Variants in BANK1 observed in about 807,000 individuals in gnomAD.
The protein encoded by BANK1 is B-cell scaffold protein with ankyrin repeats.
In BANK1, 95 loss-of-function variants were observed where a neutral mutation model predicts 94.5. The observed-to-expected ratio is 1.00, with a 90% CI of 0.85 to 1.19. The LOEUF (loss-of-function observed/expected upper bound fraction) is 1.19. Ranked by LOEUF, BANK1 falls within the 50% of genes most tolerant of loss-of-function variation. The pLI is 0.00. For missense variants in BANK1, 987 were observed against 932.2 expected (o/e 1.06, Z -0.77); for synonymous variants, 334 against 308.4 (o/e 1.08, Z -0.87).
intron 7 of BANK1, among the ~76,000 whole-genome samples, chr4:102,012,399 A>C (rs929495567): frequency 1.1e-4 from 3 of 27,440 alleles, no homozygotes; most frequent in Non-Finnish European, 1.4e-4. Flanking sequence ...GGTCAATAAA[A>C]AATAACTCTC....
intron 7 of BANK1, among the ~76,000 whole-genome samples, chr4:101,931,324 T>C (rs1157434930): frequency 6.6e-6 from 1 of 151,574 alleles, no homozygotes; most frequent in Non-Finnish European, 1.5e-5. Context: ...CTTCATCCAA[T>C]GAGTTGAGTG....
chr4:102,027,116 C>T (rs1727131476), intron 9 of BANK1, among the ~76,000 whole-genome samples: 1 of 152,132 alleles, frequency 6.6e-6, no homozygotes, highest in Admixed American at 6.5e-5. Flanking sequence ...GTTAGTAGTA[C>T]ACTGACTACA....
chr4:101,833,521 T>A (rs531046964), intron 2 of BANK1, among the ~76,000 whole-genome samples: 13 of 152,198 alleles, frequency 8.5e-5, no homozygotes, highest in Non-Finnish European at 1.6e-4. Flanking sequence ...CATAGATGCT[T>A]CTCCCTCAAA....
chr4:102,034,007 G>A (rs907356653), intron 10 of BANK1, among the ~76,000 whole-genome samples: 1 of 149,102 alleles, frequency 6.7e-6, no homozygotes, highest in Non-Finnish European at 1.5e-5. Context: ...ATTTCACAGA[G>A]TAAGAGCCTT....
At chr4:101,816,557 CT>C (rs34692783) in intron 1 of BANK1, among the ~76,000 whole-genome samples, 1,630 of 138,542 alleles carry the variant, frequency 0.012, 12 homozygotes, top group Middle Eastern at 0.033. Context: ...TGCCATGCTT[CT>C]TTTTTTTTTT....
At chr4:101,959,682 G>A (rs187977225) in intron 7 of BANK1, among the ~76,000 whole-genome samples, 2 of 152,318 alleles carry the variant, frequency 1.3e-5, no homozygotes, top group East Asian at 3.9e-4. Context: ...TTACTGGTGA[G>A]TTAATCAAAT....
At position 102,032,696 on chromosome 4, in the gene BANK1, A is replaced by G. The variant is rs544284958; in HGVS notation, c.1900+2431A>G. The stretch of plus-strand genomic sequence containing the variant: ...TCAGGAATTCAAGACCAGCCTGGCT[A>G]ACATGATGAAACCCCGTCTCTACTA... On this transcript the variant is annotated intron_variant, in intron 10 of 16. Coordinates refer to ENST00000322953, the MANE Select transcript of BANK1 (RefSeq NM_017935.5). 7.9e-5 allele frequency among the ~76,000 whole-genome samples: 12 copies of G among 152,202 alleles called. No homozygotes were observed. In the South Asian group the frequency reaches 2.5e-3, roughly 32 times the overall value.
intron 5 of BANK1, among the ~76,000 whole-genome samples, chr4:101,891,361 T>C (rs1490324013): frequency 2.6e-5 from 4 of 152,110 alleles, no homozygotes; most frequent in Admixed American, 2.0e-4. Flanking sequence ...AGCAATCTAA[T>C]TGTTTTTACC....
At chr4:101,845,276 T>A (rs1222031480) in intron 2 of BANK1, among the ~76,000 whole-genome samples, 3 of 152,084 alleles carry the variant, frequency 2.0e-5, no homozygotes, top group Non-Finnish European at 4.4e-5. Context: ...AGATACTACA[T>A]CACCAATTTA....
chr4:101,997,984 C>A (rs955606674), intron 7 of BANK1, among the ~76,000 whole-genome samples: 1 of 152,028 alleles, frequency 6.6e-6, no homozygotes, highest in East Asian at 1.9e-4. Flanking sequence ...GCTTTTGTTT[C>A]TCTAGTTCTG....
At chr4:101,858,282 A>G (rs961764520) in intron 3 of BANK1, among the ~76,000 whole-genome samples, 2 of 152,200 alleles carry the variant, frequency 1.3e-5, no homozygotes, top group Non-Finnish European at 2.9e-5. Flanking sequence ...TTTAGTGGGT[A>G]GAACTCTGAA....
chr4:101,812,764 G>C (rs1055576815), intron 1 of BANK1, among the ~76,000 whole-genome samples: 1 of 151,968 alleles, frequency 6.6e-6, no homozygotes, highest in African/African-American at 2.4e-5. Flanking sequence ...ATTAATCAAA[G>C]CAACCCCACC....
At chr4:101,880,693 A>T (rs192338204) in intron 5 of BANK1, among the ~76,000 whole-genome samples, 31 of 152,248 alleles carry the variant, frequency 2.0e-4, no homozygotes, top group African/African-American at 7.2e-4. Context: ...TATAGTAACA[A>T]AAAACAGCAT....
chr4:101,876,480 C>T (rs187828930), intron 5 of BANK1, among the ~76,000 whole-genome samples: 43 of 152,152 alleles, frequency 2.8e-4, no homozygotes, highest in African/African-American at 1.0e-3. Flanking sequence ...TCTGGAAGAA[C>T]TACAATGTTA....
intron 13 of BANK1, among the ~76,000 whole-genome samples, chr4:102,069,536 A>G (rs993351628): frequency 6.6e-6 from 1 of 152,236 alleles, no homozygotes; most frequent in Non-Finnish European, 1.5e-5. Context: ...AAGTGGAGTG[A>G]TAACTGTGGA....
chr4:101,975,424 C>T (rs951647347), intron 7 of BANK1, among the ~76,000 whole-genome samples: 3 of 152,102 alleles, frequency 2.0e-5, no homozygotes, highest in Admixed American at 2.0e-4. Flanking sequence ...GGTCTTGAAG[C>T]CATTACAGTT....
intron 7 of BANK1, among the ~76,000 whole-genome samples, chr4:102,012,405 C>T (rs1578454951): frequency 1.3e-5 from 2 of 150,782 alleles, no homozygotes; most frequent in Admixed American, 1.3e-4. Context: ...TAAAAAATAA[C>T]TCTCTTAATT....
intron 7 of BANK1, among the ~76,000 whole-genome samples, chr4:101,997,720 T>A (rs1725928420): frequency 6.6e-6 from 1 of 152,336 alleles, no homozygotes; most frequent in African/African-American, 2.4e-5. Flanking sequence ...GAGGTGTTTA[T>A]AGTATTCTCT....
At position 101,892,820 on chromosome 4, in the gene BANK1, G is replaced by T. The variant is rs79828484; in HGVS notation, c.904-2485G>T. On this transcript the variant is annotated intron_variant, in intron 5 of 16. Coordinates refer to ENST00000322953, the MANE Select transcript of BANK1 (RefSeq NM_017935.5). ...ATTTATGTCATTTTAAAATTTCAATGCCAATGTTTAGAAAGGATACATATT... is the reference window on the plus strand; with the variant it reads ...ATTTATGTCATTTTAAAATTTCAATTCCAATGTTTAGAAAGGATACATATT... Among the ~76,000 whole-genome samples the T allele has an allele frequency of 5.8e-3, 875 of 151,932 alleles. 14 individuals carry two copies. The East Asian group carries it at 0.058, about 10-fold the overall frequency.
Sources: allele counts gnomAD v4.1 joint callset (sites outside exome capture counted in the v4.1 genomes callset), GRCh38; gene constraint gnomAD v4.1.1; transcripts MANE v1.5; gene names NCBI Gene and HGNC (gene_info 2026-07-23, HGNC 2026-07-21).